The following GPRIN3 variants were observed in gnomAD, a reference collection of about 807,000 sequenced individuals.
GPRIN3 encodes G protein-regulated inducer of neurite outgrowth 3.
GPRIN3 carries 12 observed loss-of-function variants against 13.7 expected under a neutral mutation model. The ratio of observed to expected loss-of-function variants is 0.87; its 90% CI spans 0.56 to 1.42. The LOEUF (loss-of-function observed/expected upper bound fraction) is 1.42. GPRIN3 is among the 40% of genes most tolerant of loss of function. The probability of loss-of-function intolerance (pLI) is 0.00; values close to 1 mark genes in which losing one functional copy is unlikely to be tolerated. For missense variants in GPRIN3, 1,009 were observed against 958.7 expected, an observed-to-expected ratio of 1.05 and a Z score of -0.69; for synonymous variants, 377 against 372.7, an observed-to-expected ratio of 1.01 and a Z score of -0.13.
intron 1 of GPRIN3, among the ~76,000 whole-genome samples, chr4:89,270,993 C>G (rs1723936030): frequency 6.6e-6 from 1 of 152,070 alleles, no homozygotes; most frequent in Non-Finnish European, 1.5e-5. Flanking sequence ...GTGGAAGGAT[C>G]TGACTAGTGT....
intron 1 of GPRIN3, among the ~76,000 whole-genome samples, chr4:89,271,277 G>T (rs1266736208): frequency 1.3e-5 from 2 of 152,120 alleles, no homozygotes; most frequent in Non-Finnish European, 2.9e-5. Flanking sequence ...TAGCTAGTAA[G>T]AAATACTGCT....
In GPRIN3 at chr4:89,278,922, G is replaced by A. The variant is rs550365045; in HGVS notation, c.-123-28689C>T. ...AGGGTACAAACCAAGTCATGGTAGA[G>A]GCCTGTCACTGGAAGAAACTCTGAT... On this transcript the variant is annotated intron_variant, in intron 1 of 1. Coordinates refer to ENST00000609438, the MANE Select transcript of GPRIN3 (RefSeq NM_198281.3). Among the ~76,000 whole-genome samples the A allele has an allele frequency of 6.6e-5, 10 of 152,294 alleles. No homozygotes were observed. In the South Asian group the frequency reaches 1.7e-3, roughly 25 times the overall value.
At chr4:89,290,906 C>T (rs146050903) in intron 1 of GPRIN3, among the ~76,000 whole-genome samples, 4 of 152,190 alleles carry the variant, frequency 2.6e-5, no homozygotes, top group South Asian at 2.1e-4. Context: ...CTCCCACACA[C>T]GCTCACCAGA....
At chr4:89,287,445 A>G (rs1724453933) in intron 1 of GPRIN3, among the ~76,000 whole-genome samples, 2 of 152,230 alleles carry the variant, frequency 1.3e-5, no homozygotes, top group African/African-American at 4.8e-5. Flanking sequence ...TTCCTAGCAC[A>G]GGATAAATAT....
At chr4:89,295,124 A>C (rs1305009051) in intron 1 of GPRIN3, among the ~76,000 whole-genome samples, 2 of 152,180 alleles carry the variant, frequency 1.3e-5, no homozygotes, top group Non-Finnish European at 2.9e-5. Context: ...CGAAAGTACT[A>C]ATTTTTTCCC....
chr4:89,262,331 T>C (rs1723654112), intron 1 of GPRIN3, among the ~76,000 whole-genome samples: 1 of 151,836 alleles, frequency 6.6e-6, no homozygotes, highest in African/African-American at 2.4e-5. Flanking sequence ...CAAGGATAAA[T>C]AAAAAATTGC....
In GPRIN3 at chr4:89,239,872, G is replaced by A. The variant is rs889602047; in HGVS notation, c.*7908C>T. The A allele has an allele frequency of 4.6e-5, 7 of 152,206 alleles. No homozygotes were observed. Among genetic ancestry groups the A allele is most frequent in the African/African-American group, 1.4e-4 (6 of 41,440 alleles). 9.4% of individuals were successfully genotyped at this position (152,206 alleles called of 1,614,324 possible). A position where few individuals can be genotyped will look rare whatever the true frequency, so the allele number is the denominator to read the frequency against. ...AGACGGGGTTTTGCCATGTTGGCCA[G>A]GCTGGTCTTGAACTCCTGACCTCAG... On this transcript the variant is annotated 3_prime_UTR_variant, in exon 2 of 2. Coordinates refer to ENST00000609438, the MANE Select transcript of GPRIN3 (RefSeq NM_198281.3).
At chr4:89,305,781 G>A (rs527810657) in intron 1 of GPRIN3, among the ~76,000 whole-genome samples, 1 of 152,148 alleles carries the variant, frequency 6.6e-6, no homozygotes, top group Non-Finnish European at 1.5e-5. Context: ...TTTTTTTGAG[G>A]CAATTAAAAC....
intron 1 of GPRIN3, among the ~76,000 whole-genome samples, chr4:89,280,327 TAAA>T (rs1274437760): frequency 1.3e-5 from 2 of 152,226 alleles, no homozygotes; most frequent in African/African-American, 4.8e-5. Flanking sequence ...GAAATTTTTC[TAAA>T]ATGCAAATAT....
chr4:89,279,593 A>C (rs543247873), intron 1 of GPRIN3, among the ~76,000 whole-genome samples: 1 of 152,342 alleles, frequency 6.6e-6, no homozygotes, highest in South Asian at 2.1e-4. Flanking sequence ...TATTCCGCTG[A>C]AACTGCCCTT....
Position 89,270,565 on chromosome 4 carries a change from TTATATA to T in GPRIN3, c.-123-20338_-123-20333del, listed in dbSNP as rs1199230242. 6.6e-3 allele frequency among the ~76,000 whole-genome samples: 546 copies of T among 82,328 alleles called. 11 individuals carry two copies. The highest frequency in any genetic ancestry group is 0.059 in the East Asian group (143 of 2,418). 54.0% of individuals were successfully genotyped at this position (82,328 alleles called of 152,430 possible). ...ATATATATTTATATATGTATATAAT[TTATATA>T]TATATATATATATATATATATATAT... On this transcript the variant is annotated intron_variant, in intron 1 of 1. Transcript: ENST00000609438.
chr4:89,280,115 G>A (rs1406627349), intron 1 of GPRIN3, among the ~76,000 whole-genome samples: 1 of 152,026 alleles, frequency 6.6e-6, no homozygotes, highest in Non-Finnish European at 1.5e-5. Flanking sequence ...TCTCCTCATT[G>A]CTGACATCCA....
rs1168043335 is a variant in GPRIN3, at chr4:89,248,655, C to G, written c.1456G>C (p.Gly486Arg). Residue 486 changes from glycine to arginine, a missense_variant, in exon 2 of 2, where the codon GGG becomes CGG. Gly to Arg is a moderately radical substitution (Grantham distance 125, BLOSUM62 -2). Coordinates refer to ENST00000609438, the MANE Select transcript of GPRIN3 (RefSeq NM_198281.3). Reference protein sequence around the residue: ...CSQAETSYGLGKFETRPSEFA... With the variant: ...CSQAETSYGLRKFETRPSEFA... Reference sequence around the variant, plus strand: ...TCAGATGGCCTGGTTTCAAATTTCCCCAATCCATAACTTGTTTCAGCTTGA... The same window carrying G: ...TCAGATGGCCTGGTTTCAAATTTCCGCAATCCATAACTTGTTTCAGCTTGA... 3 of 1,614,024 alleles carry G rather than the reference C, an allele frequency of 1.9e-6. No individual in the cohort carries two copies. Among genetic ancestry groups the G allele is most frequent in the Admixed American group, 3.3e-5 (2 of 60,000 alleles).
At chr4:89,307,425 G>T (rs1336068429) in intron 1 of GPRIN3, among the ~76,000 whole-genome samples, 190 bp downstream of exon 1, 2 of 152,156 alleles carry the variant, frequency 1.3e-5, no homozygotes, top group East Asian at 3.9e-4. Flanking sequence ...ACCTTGCAGA[G>T]AAATTCATCA....
rs1175458317 is a variant in GPRIN3 at position 89,244,104 on chromosome 4, G to C, written c.*3676C>G. ...TATATAGGGATTCTCAGAATGACAG[G>C]CATTCCCAGAAATGAGAGGAAAAAC... On this transcript the variant is annotated 3_prime_UTR_variant, in exon 2 of 2. Coordinates refer to ENST00000609438, the MANE Select transcript of GPRIN3 (RefSeq NM_198281.3). 1.3e-5 allele frequency: 2 copies of C among 152,120 alleles called. No homozygotes were observed. Among genetic ancestry groups the C allele is most frequent in the Non-Finnish European group, 2.9e-5 (2 of 68,006 alleles). The allele number at this position is 152,120 out of a possible 1,614,324, so 9.4% of individuals were successfully genotyped here.
rs1225898141 is a variant in GPRIN3, at chr4:89,241,168, G to A, written c.*6612C>T. On this transcript the variant is annotated 3_prime_UTR_variant, in exon 2 of 2. Transcript: ENST00000609438. ...GCCAATGTACTGATTACTATATTCA[G>A]CCTTTGTGATAATTATGTTACCTAC... 6.6e-6 allele frequency: 1 copy of A among 151,828 alleles called. No individual in the cohort carries two copies. The highest frequency in any genetic ancestry group is 1.5e-5 in the Non-Finnish European group (1 of 67,966). The allele number at this position is 151,828 out of a possible 1,614,324, so 9.4% of individuals were successfully genotyped here.
intron 1 of GPRIN3, 107 bp from the exon 2 acceptor site, chr4:89,250,340 T>G: frequency 8.9e-6 from 5 of 564,182 alleles, no homozygotes; most frequent in Non-Finnish European, 1.4e-5. Flanking sequence ...TTTCTTCCCA[T>G]ACCTGTTGAT....
At chr4:89,257,440 C>A (rs1306180283) in intron 1 of GPRIN3, among the ~76,000 whole-genome samples, 2 of 152,220 alleles carry the variant, frequency 1.3e-5, no homozygotes, top group African/African-American at 4.8e-5. Flanking sequence ...TCTAAATTCA[C>A]AACAGATTAG....
Position 89,274,039 on chromosome 4 carries a change from T to C in GPRIN3, c.-123-23806A>G, listed in dbSNP as rs373835313. Among the ~76,000 whole-genome samples the C allele has an allele frequency of 7.2e-5, 11 of 152,280 alleles. No homozygotes were observed. The East Asian group carries it at 7.7e-4, about 11-fold the overall frequency. ...AGGCAGATGTCTAAACAAATGATAA[T>C]TCCAGAGTGGGAAAGACAGACAATG... On this transcript the variant is annotated intron_variant, in intron 1 of 1. Transcript: ENST00000609438.
Sources: gnomAD v4.1 joint callset for allele counts (sites outside exome capture counted in the v4.1 genomes callset) on GRCh38, gnomAD v4.1.1 for gene constraint, MANE v1.5 for transcripts, NCBI Gene and HGNC (gene_info 2026-07-23, HGNC 2026-07-21) for gene names.